Variants in VPS13D observed in about 807,000 individuals in gnomAD.
VPS13D encodes intermembrane lipid transfer protein VPS13D.
Under a neutral mutation model 461.9 loss-of-function variants are expected in VPS13D, and 187 were observed. That is an observed-to-expected ratio of 0.40 (90% CI 0.36 to 0.46). VPS13D has a LOEUF of 0.46. VPS13D is among the 20% of genes least tolerant of loss of function. VPS13D has a pLI of 0.60. For missense variants in VPS13D, 4,711 were observed against 5,364.9 expected (o/e 0.88, Z 3.81); for synonymous variants, 1,951 against 1,986.3 (o/e 0.98, Z 0.47).
At chr1:12,275,376 T>C (rs1243221688) in intron 18 of VPS13D, among the ~76,000 whole-genome samples, 1 of 149,170 alleles carries the variant, frequency 6.7e-6, no homozygotes, top group Admixed American at 6.7e-5. Context: ...GATCGTGCCA[T>C]TGCACTCCAG....
At chr1:12,408,087 A>C (rs751530161) in intron 63 of VPS13D, among the ~76,000 whole-genome samples, 1 of 152,212 alleles carries the variant, frequency 6.6e-6, no homozygotes, top group Non-Finnish European at 1.5e-5. Context: ...TGAGGAAAAT[A>C]AGGCCTGCTC....
rs894287646 is a variant in VPS13D, at chr1:12,473,332, C to G, written c.12662+12936C>G. Among the ~76,000 whole-genome samples, 8 of 152,184 alleles carry G rather than the reference C, an allele frequency of 5.3e-5. No homozygotes were observed. Among genetic ancestry groups the G allele is most frequent in the African/African-American group, 1.7e-4 (7 of 41,442 alleles). ...GTTCTGAAAAAGAAATAGGAAGGGG[C>G]AACGTGGCAGTCAGTGTGAAAAGAA... is the stretch of plus-strand genomic sequence containing the variant. On this transcript the variant is annotated intron_variant, in intron 67 of 69. Coordinates refer to ENST00000620676, the MANE Select transcript of VPS13D (RefSeq NM_015378.4). The surrounding 1 kb of genome is among the most constrained non-coding windows in gnomAD (Gnocchi z 4.2).
intron 17 of VPS13D, 101 bp from the exon 18 acceptor site, chr1:12,272,902 C>A: frequency 6.8e-7 from 1 of 1,478,418 alleles, no homozygotes; most frequent in South Asian, 1.4e-5. Flanking sequence ...ATCACTGAGT[C>A]ACTCCATAAT....
intron 25 of VPS13D, among the ~76,000 whole-genome samples, chr1:12,300,558 G>A (rs1642397661): frequency 6.6e-6 from 1 of 152,072 alleles, no homozygotes; most frequent in South Asian, 2.1e-4. Context: ...ATGGCTTCCA[G>A]CTCCATCCAT....
At chr1:12,423,795 G>A (rs1393751652) in intron 65 of VPS13D, among the ~76,000 whole-genome samples, 3 of 152,040 alleles carry the variant, frequency 2.0e-5, no homozygotes, top group Admixed American at 6.5e-5. Flanking sequence ...AGGAGAGAGG[G>A]GCCCATCTGC....
At chr1:12,346,711 C>A in intron 44 of VPS13D, 59 bp downstream of exon 44, 1 of 1,451,146 alleles carries the variant, frequency 6.9e-7, no homozygotes, top group South Asian at 1.2e-5. Context: ...GCACCTGAAT[C>A]ATGTGGATAT....
At chr1:12,235,140 G>C (rs565218477) in intron 2 of VPS13D, among the ~76,000 whole-genome samples, 1 of 152,318 alleles carries the variant, frequency 6.6e-6, no homozygotes, top group East Asian at 1.9e-4. Context: ...ATAGGAAATG[G>C]GAAGGAGACT....
chr1:12,293,499 G>T, intron 23 of VPS13D, 25 bp from the exon 24 acceptor site: 2 of 1,562,842 alleles, frequency 1.3e-6, no homozygotes. Flanking sequence ...TGTTATCTGA[G>T]TCACACTTTT....
chr1:12,396,420 A>G (rs1052272503), intron 60 of VPS13D, among the ~76,000 whole-genome samples: 4 of 152,096 alleles, frequency 2.6e-5, no homozygotes, highest in African/African-American at 4.8e-5. Flanking sequence ...GACCTTTACA[A>G]TTTTTGGCAG....
At position 12,244,384 on chromosome 1, in the gene VPS13D, T is replaced by C. The variant is rs763388130; in HGVS notation, c.314T>C (p.Leu105Ser). 1.2e-6 allele frequency: 2 copies of C among 1,614,056 alleles called. No homozygotes were observed. Among genetic ancestry groups the C allele is most frequent in the Non-Finnish European group, 1.7e-6 (2 of 1,180,016 alleles). The change falls in exon 4 of 70, where the codon TTG becomes TCG. Residue 105 changes from leucine to serine, a missense_variant. Physicochemically the swap from Leu to Ser is moderately radical, Grantham distance 145 (BLOSUM62 -2). Around this residue, in one of 3 missense-constraint regions of VPS13D, gnomAD observed 4,411 missense variants for 4,937.8 expected, o/e 0.89. Coordinates refer to ENST00000620676, the MANE Select transcript of VPS13D (RefSeq NM_015378.4). ...TTCAATGATGAAAAGGAGAAGCTGT[T>C]GGAAAGGGAACGTAAGAAAGCACTA... The part of the protein sequence containing the change: ...QDFNDEKEKL[L>S]ERERKKALLQ...
chr1:12,381,922 TTTTCTTTCTTTCTTTC>T (rs35247625), intron 57 of VPS13D, among the ~76,000 whole-genome samples: 1,505 of 101,196 alleles, frequency 0.015, 10 homozygotes, highest in Middle Eastern at 0.018. Flanking sequence ...CTTTCTTTTC[TTTTCTTTCTTTCTTTC>T]TTTCTTTCTT....
At chr1:12,460,624 G>C (rs1307248002) in intron 67 of VPS13D, among the ~76,000 whole-genome samples, 1 of 149,636 alleles carries the variant, frequency 6.7e-6, no homozygotes, top group Non-Finnish European at 1.5e-5. Flanking sequence ...TTTTATATAT[G>C]CTATATATTT....
intron 23 of VPS13D, 144 bp from the exon 24 acceptor site, chr1:12,293,380 G>C: frequency 1.4e-6 from 1 of 728,812 alleles, no homozygotes; most frequent in Non-Finnish European, 2.1e-6. Flanking sequence ...AATTATTAGA[G>C]TTTGCTTTGT....
At position 12,322,517 on chromosome 1, in the gene VPS13D, C is replaced by A. The variant is rs747815310; in HGVS notation, c.7705-19C>A. The A allele has an allele frequency of 3.1e-6, 5 of 1,611,348 alleles. No individual in the cohort carries two copies. The highest frequency in any genetic ancestry group is 1.3e-5 in the African/African-American group (1 of 74,786). On this transcript the variant is annotated intron_variant, in intron 33 of 69. Transcript: ENST00000620676. ...CAATGCAGCTTTAAAAAATTGCTAC[C>A]TTTTTTACATTTTGTTAGATTCAGT...
rs985276476 is a variant in VPS13D, at chr1:12,502,640, C to CG, written c.12795-4212dup. ...ATCAGGTATATAAATGAGTTAATAT[C>CG]GAAAAAAAAAAAAAAGAGCAGGAGG... On this transcript the variant is annotated intron_variant, in intron 68 of 69. Transcript: ENST00000620676. The surrounding 1 kb of genome is among the most constrained non-coding windows in gnomAD (Gnocchi z 4.3). 3.1e-5 allele frequency among the ~76,000 whole-genome samples: 4 copies of CG among 129,942 alleles called. No homozygotes were observed. Among genetic ancestry groups the CG allele is most frequent in the East Asian group, 4.4e-4 (2 of 4,530 alleles). 85.2% of individuals were successfully genotyped at this position (129,942 alleles called of 152,430 possible). A position where few individuals can be genotyped will look rare whatever the true frequency, so the allele number is the denominator to read the frequency against.
intron 60 of VPS13D, among the ~76,000 whole-genome samples, chr1:12,392,367 T>C (rs1343866546): frequency 6.6e-6 from 1 of 151,292 alleles, no homozygotes; most frequent in Non-Finnish European, 1.5e-5. Context: ...TGGTCTCAGC[T>C]ACTTCGGAGG....
Position 12,507,473 on chromosome 1 carries a change from C to T in VPS13D, c.13035+380C>T, listed in dbSNP as rs1646127245. 1 of 476,202 alleles carries T rather than the reference C, an allele frequency of 2.1e-6. No homozygotes were observed. 29.5% of individuals were successfully genotyped at this position (476,202 alleles called of 1,614,324 possible). A position where few individuals can be genotyped will look rare whatever the true frequency, so the allele number is the denominator to read the frequency against. ...CCAAATCGAAGAAAGCACTGGAGCT[C>T]ACGCTGGTTTCTCCATTGTTTCTCC... On this transcript the variant is annotated intron_variant, in intron 69 of 69. Coordinates refer to ENST00000620676, the MANE Select transcript of VPS13D (RefSeq NM_015378.4). The surrounding 1 kb of genome is among the most constrained non-coding windows in gnomAD (Gnocchi z 5.3).
chr1:12,338,861 C>T (rs1226576873), intron 40 of VPS13D, among the ~76,000 whole-genome samples: 1 of 152,148 alleles, frequency 6.6e-6, no homozygotes, highest in Admixed American at 6.5e-5. Context: ...TTGAAAGTTT[C>T]TTGAGAAATT....
intron 65 of VPS13D, among the ~76,000 whole-genome samples, chr1:12,425,052 G>A (rs1439538418): frequency 2.0e-5 from 3 of 152,114 alleles, no homozygotes; most frequent in Admixed American, 6.5e-5. Flanking sequence ...ATCAGTCTTT[G>A]GCCTTTCTTG....
Sources: gnomAD v4.1 joint callset for allele counts (sites outside exome capture counted in the v4.1 genomes callset) on GRCh38, gnomAD v4.1.1 for gene constraint, gnomAD v4.1.1 regional missense constraint, Gnocchi (gnomAD v3.1) non-coding constraint, MANE v1.5 for transcripts, NCBI Gene and HGNC (gene_info 2026-07-23, HGNC 2026-07-21) for gene names.